Variants in MLLT6 observed in about 807,000 individuals in gnomAD.
MLLT6 encodes MLLT6, PHD finger containing, also known as protein AF-17.
MLLT6 carries 22 observed loss-of-function variants against 103.0 expected under a neutral mutation model. The ratio of observed to expected loss-of-function variants is 0.21; its 90% CI spans 0.15 to 0.31. The LOEUF (loss-of-function observed/expected upper bound fraction) is 0.31. Ranked by LOEUF, MLLT6 falls within the 10% of genes least tolerant of loss-of-function variation. MLLT6 has a pLI of 1.00. For synonymous variants in MLLT6, 606 were observed against 623.5 expected (o/e 0.97, Z 0.42); for missense variants, 1,199 against 1,441.7 (o/e 0.83, Z 2.73).
rs1178769811 is a variant in MLLT6 at position 38,728,882 on chromosome 17, A to G, written c.*3284A>G. 8.6e-6 allele frequency: 2 copies of G among 233,762 alleles called. No homozygotes were observed. Among genetic ancestry groups the G allele is most frequent in the Non-Finnish European group, 1.7e-5 (2 of 118,164 alleles). The allele number at this position is 233,762 out of a possible 1,614,324, so 14.5% of individuals were successfully genotyped here. Reference sequence around the variant, plus strand: ...AGCTGGTGGATCCTCTCCATGGACAATGACACTTTAAGGATTGTCTTGGTT... The same window carrying G: ...AGCTGGTGGATCCTCTCCATGGACAGTGACACTTTAAGGATTGTCTTGGTT... On this transcript the variant is annotated 3_prime_UTR_variant, in exon 20 of 20. Coordinates refer to ENST00000621332, the MANE Select transcript of MLLT6 (RefSeq NM_005937.4).
intron 6 of MLLT6, among the ~76,000 whole-genome samples, chr17:38,710,956 T>A (rs759364508): frequency 3.9e-5 from 6 of 152,116 alleles, no homozygotes; most frequent in Non-Finnish European, 5.9e-5. Flanking sequence ...CAGGGTGTAG[T>A]GGCAGCTCCA....
intron 12 of MLLT6, chr17:38,719,095 A>G: frequency 4.1e-6 from 1 of 245,912 alleles, no homozygotes; most frequent in Non-Finnish European, 8.0e-6. Context: ...CCCTTCAGGT[A>G]AACACTTCAC....
chr17:38,717,750 G>A, intron 11 of MLLT6, 95 bp from the exon 12 acceptor site: 1 of 1,367,736 alleles, frequency 7.3e-7, no homozygotes, highest in Non-Finnish European at 1.0e-6. Flanking sequence ...GGACCCCTCT[G>A]CTCCCCAGCA....
rs977863885 is a variant in MLLT6 at position 38,719,810 on chromosome 17, C to T, written c.2070C>T (p.Gly690=). The change falls in exon 14 of 20, where the codon GGC becomes GGT. Residue 690 remains glycine (G), a synonymous_variant. Transcript: ENST00000621332. Reference sequence around the variant, plus strand: ...AGACAGCCTCTGCACCCTGTGGGGGCGGCCAGTTAGACCCGGCGGCCCCAG... The same window carrying T: ...AGACAGCCTCTGCACCCTGTGGGGGTGGCCAGTTAGACCCGGCGGCCCCAG... ...FDQTASAPCG[G]GQLDPAAPGT... 4 of 1,613,264 alleles carry T rather than the reference C, an allele frequency of 2.5e-6. No homozygotes were observed. The highest frequency in any genetic ancestry group is 2.7e-5 in the African/African-American group (2 of 74,920).
At chr17:38,715,222 T>TAAAAAA in intron 8 of MLLT6, 1 of 174,604 alleles carries the variant, frequency 5.7e-6, no homozygotes, top group South Asian at 1.6e-4. Context: ...TGGGTCCTCT[T>TAAAAAA]CTCTGCCTCG....
Position 38,728,491 on chromosome 17 carries a change from A to G in MLLT6, c.*2893A>G, listed in dbSNP as rs1444420411. The G allele has an allele frequency of 1.3e-5, 3 of 233,266 alleles. No homozygotes were observed. Among genetic ancestry groups the G allele is most frequent in the South Asian group, 1.8e-4 (1 of 5,518 alleles). 14.4% of individuals were successfully genotyped at this position (233,266 alleles called of 1,614,324 possible). On this transcript the variant is annotated 3_prime_UTR_variant, in exon 20 of 20. Coordinates refer to ENST00000621332, the MANE Select transcript of MLLT6 (RefSeq NM_005937.4). The stretch of plus-strand genomic sequence containing the variant: ...CTCAGTGAGGAGGTGTGAGTGGGTG[A>G]GCATGTGGAGTTGGGTGTTCCCACC...
intron 7 of MLLT6, 75 bp from the exon 8 acceptor site, chr17:38,712,616 C>T: frequency 1.0e-6 from 1 of 962,582 alleles, no homozygotes; most frequent in Non-Finnish European, 1.7e-6. Flanking sequence ...TGTCAGCTCC[C>T]CATACCCACA....
At chr17:38,720,309 CCGGTCCCCTGG>C in intron 14 of MLLT6, 52 bp from the exon 15 acceptor site, 2 of 670,586 alleles carry the variant, frequency 3.0e-6, no homozygotes, top group Non-Finnish European at 5.1e-6. Context: ...GGCCCCGCCC[CCGGTCCCCTGG>C]CCCCGCCTCC....
At position 38,707,586 on chromosome 17, in the gene MLLT6, G is replaced by A. The variant is rs776822014; in HGVS notation, c.244+46G>A. On this transcript the variant is annotated intron_variant, in intron 3 of 19. Coordinates refer to ENST00000621332, the MANE Select transcript of MLLT6 (RefSeq NM_005937.4). Reference sequence around the variant, plus strand: ...GAGGTCAGCAGGGCCCCCTGAGCAGGGTCTGGGAAGGCAGGAATGGACTGA... The same window carrying A: ...GAGGTCAGCAGGGCCCCCTGAGCAGAGTCTGGGAAGGCAGGAATGGACTGA... The A allele has an allele frequency of 8.2e-6, 13 of 1,591,124 alleles. No individual in the cohort carries two copies. The East Asian group carries it at 8.9e-5, about 11-fold the overall frequency.
chr17:38,713,979 AT>A (rs1158979248), intron 8 of MLLT6: 1 of 152,254 alleles, frequency 6.6e-6, no homozygotes, highest in African/African-American at 2.4e-5. Context: ...GTTCAGCACG[AT>A]TAACTGAATA....
chr17:38,714,480 G>C (rs1302357694), intron 8 of MLLT6: 2 of 152,298 alleles, frequency 1.3e-5, no homozygotes, highest in Non-Finnish European at 2.9e-5. Context: ...GCTCACGCCT[G>C]TAGTCCCAGC....
chr17:38,718,810 T>C (rs567248123), intron 12 of MLLT6: 1 of 152,292 alleles, frequency 6.6e-6, no homozygotes, highest in African/African-American at 2.4e-5. Context: ...CCCAGAAAGC[T>C]AATTGGTGCA....
rs1399401569 is a variant in MLLT6 at position 38,720,457 on chromosome 17, G to A, written c.2241G>A (p.Lys747=). 6.2e-7 allele frequency: 1 copy of A among 1,612,868 alleles called. No homozygotes were observed. The highest frequency in any genetic ancestry group is 8.5e-7 in the Non-Finnish European group (1 of 1,179,990). Residue 747 remains lysine, a synonymous_variant, in exon 15 of 20, where the codon AAG becomes AAA. Transcript: ENST00000621332. The part of the protein sequence containing the change: ...QEQILSLTAK[K]ERLQILNVQL... ...AGATCCTGAGCCTGACGGCCAAAAAGGAGCGGCTGCAGATTCTCAACGTGC... is the reference window on the plus strand; with the variant it reads ...AGATCCTGAGCCTGACGGCCAAAAAAGAGCGGCTGCAGATTCTCAACGTGC...
chr17:38,708,600 T>C (rs887545670), intron 4 of MLLT6, among the ~76,000 whole-genome samples: 1 of 152,046 alleles, frequency 6.6e-6, no homozygotes, highest in Non-Finnish European at 1.5e-5. Context: ...CATAAATTAA[T>C]CAAAATTAAA....
chr17:38,719,748 A>T lies in MLLT6; in HGVS notation c.2010-2A>T. 1 of 1,606,658 alleles carries T rather than the reference A, an allele frequency of 6.2e-7. No individual in the cohort carries two copies. The highest frequency in any genetic ancestry group is 8.5e-7 in the Non-Finnish European group (1 of 1,175,244). ...CTGAACCCAGGTTCCCTCTGGCCGCAGGTCCCCCATCAGCAGCCTCCCCGC... is the reference window on the plus strand; with the variant it reads ...CTGAACCCAGGTTCCCTCTGGCCGCTGGTCCCCCATCAGCAGCCTCCCCGC... On this transcript the variant is annotated splice_acceptor_variant, in intron 13 of 19. Transcript: ENST00000621332. LOFTEE classifies it high-confidence loss of function.
intron 16 of MLLT6, 71 bp downstream of exon 16, chr17:38,720,818 G>T (rs758392394): frequency 7.4e-7 from 1 of 1,357,428 alleles, no homozygotes. Context: ...TCTCTTCCCC[G>T]CAGCTATTGG....
Position 38,707,855 on chromosome 17 carries a change from C to CA in MLLT6, c.338dup (p.His113GlnfsTer2). ...GCCCATCGTGCTGCAGTACGTGCCTCATGATCGCTTCAACAAGGTCAGCGG... is the reference window on the plus strand; with the variant it reads ...GCCCATCGTGCTGCAGTACGTGCCTCAATGATCGCTTCAACAAGGTCAGCGG... On this transcript the variant is annotated frameshift_variant, in exon 4 of 20. Transcript: ENST00000621332. LOFTEE classifies it high-confidence loss of function. 6.2e-7 allele frequency: 1 copy of CA among 1,612,138 alleles called. No homozygotes were observed. The highest frequency in any genetic ancestry group is 8.5e-7 in the Non-Finnish European group (1 of 1,178,812).
Position 38,719,808 on chromosome 17 carries a change from G to C in MLLT6, c.2068G>C (p.Gly690Arg). 1 of 1,613,416 alleles carries C rather than the reference G, an allele frequency of 6.2e-7. No individual in the cohort carries two copies. Among genetic ancestry groups the C allele is most frequent in the Non-Finnish European group, 8.5e-7 (1 of 1,179,854 alleles). Reference protein sequence around the residue: ...FDQTASAPCGGGQLDPAAPGT... With the variant: ...FDQTASAPCGRGQLDPAAPGT... ...CCAGACAGCCTCTGCACCCTGTGGG[G>C]GCGGCCAGTTAGACCCGGCGGCCCC... Residue 690 changes from glycine to arginine, a missense_variant, in exon 14 of 20, where the codon GGC becomes CGC. Physicochemically the swap from Gly to Arg is moderately radical, Grantham distance 125 (BLOSUM62 -2). Around this residue, in one of 7 missense-constraint regions of MLLT6, gnomAD observed 1,034 missense variants for 1,091.5 expected, o/e 0.95. Coordinates refer to ENST00000621332, the MANE Select transcript of MLLT6 (RefSeq NM_005937.4).
intron 9 of MLLT6, 140 bp downstream of exon 9, chr17:38,715,968 C>G: frequency 1.3e-6 from 1 of 775,952 alleles, no homozygotes; most frequent in Non-Finnish European, 2.0e-6. Flanking sequence ...GAATCCCCTC[C>G]TCTCCAAACC....
Sources: gnomAD v4.1 joint callset for allele counts (sites outside exome capture counted in the v4.1 genomes callset) on GRCh38, gnomAD v4.1.1 for gene constraint, gnomAD v4.1.1 regional missense constraint, MANE v1.5 for transcripts, NCBI Gene and HGNC (gene_info 2026-07-23, HGNC 2026-07-21) for gene names.